PPFIBP2: variants seen among roughly 807,000 people sequenced by gnomAD.
The protein encoded by PPFIBP2 is liprin-beta-2.
A neutral mutation model predicts 118.3 loss-of-function variants in PPFIBP2; 118 were observed. The ratio of observed to expected loss-of-function variants is 1.00; its 90% CI spans 0.86 to 1.16. The LOEUF is 1.16. PPFIBP2 is among the 50% of genes most tolerant of loss of function. The pLI is 0.00. For synonymous variants in PPFIBP2, 414 were observed against 397.4 expected, an observed-to-expected ratio of 1.04 and a Z score of -0.50; for missense variants, 1,195 against 1,073.1, an observed-to-expected ratio of 1.11 and a Z score of -1.59.
intron 5 of PPFIBP2, among the ~76,000 whole-genome samples, chr11:7,609,081 A>G (rs941750058): frequency 1.1e-4 from 17 of 152,158 alleles, no homozygotes; most frequent in African/African-American, 3.9e-4. Context: ...TTTGTTGCCT[A>G]CCTTTCCCAG....
intron 5 of PPFIBP2, chr11:7,605,824 T>C (rs1351929955): frequency 7.3e-7 from 1 of 1,368,940 alleles, no homozygotes; most frequent in Non-Finnish European, 9.4e-7. Flanking sequence ...GCTGAAGATT[T>C]TAGAAGCAAA....
At chr11:7,646,352 CCTTT>C (rs1853060714) in intron 17 of PPFIBP2, among the ~76,000 whole-genome samples, 1 of 152,114 alleles carries the variant, frequency 6.6e-6, no homozygotes, top group Non-Finnish European at 1.5e-5. Flanking sequence ...TTGATAGAGG[CCTTT>C]CTAAATTTAA....
In PPFIBP2 at chr11:7,632,946, G is replaced by A. The variant is rs752014260; in HGVS notation, c.1136+12G>A. On this transcript the variant is annotated intron_variant, in intron 12 of 23. Coordinates refer to ENST00000299492, the MANE Select transcript of PPFIBP2 (RefSeq NM_003621.5). ...TCACTGGAAACCAGGTAAGAGGCCT[G>A]GGCATTTCCCCACAGCCACTGTGCT... 1.2e-6 allele frequency: 2 copies of A among 1,611,312 alleles called. No individual in the cohort carries two copies. The highest frequency in any genetic ancestry group is 2.2e-5 in the South Asian group (2 of 90,938).
At chr11:7,582,732 C>A (rs1285733585) in intron 3 of PPFIBP2, among the ~76,000 whole-genome samples, 38 of 150,342 alleles carry the variant, frequency 2.5e-4, no homozygotes, top group Non-Finnish European at 4.7e-4. Flanking sequence ...AAAAAAAAAA[C>A]CAGCCAAACT....
At chr11:7,666,493 C>T in the PPFIBP2 span, 1 of 1,613,566 alleles carries the variant, frequency 6.2e-7, no homozygotes, top group South Asian at 1.1e-5. Flanking sequence ...TTGAACTGGT[C>T]TGGGTGAGTC....
chr11:7,542,533 T>C (rs527473657), intron 1 of PPFIBP2, among the ~76,000 whole-genome samples: 45 of 152,374 alleles, frequency 3.0e-4, no homozygotes, highest in Admixed American at 7.2e-4. Context: ...TGCTTAATTT[T>C]TTTAGTCATG....
intron 17 of PPFIBP2, among the ~76,000 whole-genome samples, chr11:7,646,261 A>T (rs1470941396): frequency 1.3e-5 from 2 of 152,366 alleles, no homozygotes; most frequent in South Asian, 2.1e-4. Flanking sequence ...AACTTTGTCA[A>T]TTCAAAGAAT....
At chr11:7,626,971 G>A (rs1472628145) in intron 8 of PPFIBP2, among the ~76,000 whole-genome samples, 1 of 152,224 alleles carries the variant, frequency 6.6e-6, no homozygotes, top group Admixed American at 6.5e-5. Context: ...AAGCCACTGG[G>A]TGTGTTGCCT....
At chr11:7,651,063 A>G (rs753706809) in intron 22 of PPFIBP2, 98 bp downstream of exon 22, 15 of 1,298,718 alleles carry the variant, frequency 1.2e-5, no homozygotes, top group South Asian at 1.6e-5. Flanking sequence ...ACGAAAAAAA[A>G]TAGGTACTTC....
chr11:7,590,407 A>G (rs1379913380), intron 3 of PPFIBP2, among the ~76,000 whole-genome samples: 1 of 152,128 alleles, frequency 6.6e-6, no homozygotes, highest in Non-Finnish European at 1.5e-5. Context: ...GTAGAAGAGG[A>G]AGATGCACTG....
At chr11:7,624,169 C>T (rs1426701341) in intron 7 of PPFIBP2, among the ~76,000 whole-genome samples, 1 of 152,214 alleles carries the variant, frequency 6.6e-6, no homozygotes, top group Non-Finnish European at 1.5e-5. Context: ...TGGCCTTCAT[C>T]TGTCCTGTTA....
chr11:7,537,292 A>G (rs953362204), intron 1 of PPFIBP2, among the ~76,000 whole-genome samples: 2 of 152,050 alleles, frequency 1.3e-5, no homozygotes, highest in African/African-American at 4.8e-5. Flanking sequence ...CCCTCACAGG[A>G]CCCCCTTGAA....
intron 1 of PPFIBP2, among the ~76,000 whole-genome samples, chr11:7,541,753 A>G (rs531377735): frequency 6.6e-6 from 1 of 152,268 alleles, no homozygotes; most frequent in Admixed American, 6.5e-5. Context: ...GTAACTTCCT[A>G]GGTGTCTATA....
chr11:7,549,492 G>C lies in PPFIBP2; in HGVS notation c.17G>C (p.Ser6Thr). MASDASHALEAALEQM... is the reference protein window; with the variant it reads MASDATHALEAALEQM... ...AAAGGAGTCATGGCTTCTGATGCTA[G>C]TCATGCGCTGGAAGCTGCCCTGGAG... Residue 6 changes from serine to threonine, a missense_variant, in exon 2 of 24, where the codon AGT becomes ACT. Coordinates refer to ENST00000299492, the MANE Select transcript of PPFIBP2 (RefSeq NM_003621.5). 1.3e-6 allele frequency: 2 copies of C among 1,562,478 alleles called. No individual in the cohort carries two copies. The highest frequency in any genetic ancestry group is 4.8e-5 in the East Asian group (2 of 41,572).
rs188567799 is a variant in PPFIBP2, at chr11:7,615,314, A to G, written c.618+4892A>G. ...TCGTGCCACTGCACTCCAGCCTGGG[A>G]GACAGAGTGAGACTCCGTCTCAAAA... On this transcript the variant is annotated intron_variant, in intron 6 of 23. Transcript: ENST00000299492. Among the ~76,000 whole-genome samples, 12 of 147,214 alleles carry G rather than the reference A, an allele frequency of 8.2e-5. No individual in the cohort carries two copies. The East Asian group carries it at 2.0e-3, about 24-fold the overall frequency.
At chr11:7,540,602 C>T (rs898617192) in intron 1 of PPFIBP2, among the ~76,000 whole-genome samples, 5 of 152,108 alleles carry the variant, frequency 3.3e-5, no homozygotes, top group South Asian at 2.1e-4. Flanking sequence ...CCACTATCTC[C>T]CAGGCTTTAG....
intron 9 of PPFIBP2, among the ~76,000 whole-genome samples, chr11:7,628,884 CAG>C (rs1374982636): frequency 2.6e-5 from 4 of 152,176 alleles, no homozygotes; most frequent in African/African-American, 9.7e-5. Context: ...GAAACAGACT[CAG>C]AGTGCTTAAG....
At chr11:7,610,175 C>G in intron 5 of PPFIBP2, 116 bp from the exon 6 acceptor site, 1 of 1,314,202 alleles carries the variant, frequency 7.6e-7, no homozygotes, top group Non-Finnish European at 1.1e-6. Context: ...GTAGCAGTCT[C>G]AATTCTGTGT....
At chr11:7,514,296 C>T (rs950298185) in intron 1 of PPFIBP2, among the ~76,000 whole-genome samples, 175 bp downstream of exon 1, 1 of 152,238 alleles carries the variant, frequency 6.6e-6, no homozygotes, top group Non-Finnish European at 1.5e-5. Context: ...GGACCCTTCT[C>T]CAACTCCACT....
Sources: allele counts gnomAD v4.1 joint callset (sites outside exome capture counted in the v4.1 genomes callset), GRCh38; gene constraint gnomAD v4.1.1; transcripts MANE v1.5; gene names NCBI Gene and HGNC (gene_info 2026-07-23, HGNC 2026-07-21).